SBF1: variants seen among roughly 807,000 people sequenced by gnomAD.
SBF1 encodes myotubularin-related protein 5.
SBF1 carries 65 observed loss-of-function variants against 215.8 expected under a neutral mutation model. That is an observed-to-expected ratio of 0.30 (90% CI 0.25 to 0.37). SBF1 has a LOEUF of 0.37. Among genes scored for constraint, SBF1 ranks in the 10% least tolerant of loss-of-function variants. The pLI, the probability that SBF1 is intolerant of heterozygous loss-of-function variation, is 1.00. For synonymous variants in SBF1, 1,410 were observed against 1,122.8 expected (o/e 1.26, Z -5.11); for missense variants, 2,634 against 2,667.8 (o/e 0.99, Z 0.28).
In SBF1 at chr22:50,461,934, C is replaced by G; in HGVS notation, c.2569+13G>C. The G allele has an allele frequency of 6.2e-7, 1 of 1,613,996 alleles. No individual in the cohort carries two copies. The highest frequency in any genetic ancestry group is 1.7e-5 in the Admixed American group (1 of 60,028). On this transcript the variant is annotated intron_variant, in intron 20 of 40. Coordinates refer to ENST00000380817, the MANE Select transcript of SBF1 (RefSeq NM_002972.4). ...CCCATCCAAGGGGGAATCACCAGCCCAAACCCCCGTACCTGGCACCATGAC... is the reference window on the plus strand; with the variant it reads ...CCCATCCAAGGGGGAATCACCAGCCGAAACCCCCGTACCTGGCACCATGAC...
Position 50,459,329 on chromosome 22 carries a change from G to C in SBF1, c.3752C>G (p.Ser1251Cys). 2 of 1,612,920 alleles carry C rather than the reference G, an allele frequency of 1.2e-6. No individual in the cohort carries two copies. Among genetic ancestry groups the C allele is most frequent in the Non-Finnish European group, 1.7e-6 (2 of 1,179,666 alleles). ...CGACGCGTCGGCGTAGCGGGGCATG[G>C]AGCTGACCACAGCCTGCAGGTACTT... ...QEKYLQAVVS[S>C]MPRYADASGR... Residue 1251 changes from serine (S) to cysteine (C), a missense_variant, in exon 28 of 41, where the codon TCC becomes TGC. Physicochemically the swap from Ser to Cys is moderately radical, Grantham distance 112. Coordinates refer to ENST00000380817, the MANE Select transcript of SBF1 (RefSeq NM_002972.4).
chr22:50,455,757 C>T (rs549400892), intron 31 of SBF1, 175 bp from the exon 32 acceptor site: 75 of 622,430 alleles, frequency 1.2e-4, no homozygotes, highest in Middle Eastern at 8.6e-4. Context: ...CTGGGTGTGC[C>T]GACCACCGCC....
rs770090328 is a variant in SBF1 at position 50,447,227 on chromosome 22, C to T, written c.5597G>A (p.Arg1866His). Residue 1866 changes from arginine to histidine, a missense_variant, in exon 41 of 41, where the codon CGT (arginine) becomes CAT (histidine). By Grantham distance (29) the Arg-to-His change is conservative. Coordinates refer to ENST00000380817, the MANE Select transcript of SBF1 (RefSeq NM_002972.4). ...CTGGGCACAGAAGTTGTAAACGCGA[C>T]GCGTTGTCTTCACCTGGGGAAGGGC... ...EKAFFDVKTT[R>H]RVYNFCAQDV... is the part of the protein sequence containing the mutation. The T allele has an allele frequency of 6.3e-5, 101 of 1,613,860 alleles. No homozygotes were observed. Among genetic ancestry groups the T allele is most frequent in the Middle Eastern group, 1.6e-4 (1 of 6,084 alleles).
chr22:50,460,550 T>C lies in SBF1; in HGVS notation c.3130A>G (p.Lys1044Glu), dbSNP rs1487525013. ...GATCCATACCTGAGGGAAGGACCCT[T>C]GTCCTTGGTGACTCGCGGTGGCCGG... ...PGRPPRVTKD[K>E]GPSLRTLSRN... Residue 1044 changes from lysine to glutamate, a missense_variant, in exon 24 of 41, where the codon AAG (lysine) becomes GAG (glutamate). Lys to Glu is a moderately conservative substitution (Grantham distance 56). Transcript: ENST00000380817. 1 of 1,614,026 alleles carries C rather than the reference T, an allele frequency of 6.2e-7. No individual in the cohort carries two copies. Among genetic ancestry groups the C allele is most frequent in the African/African-American group, 1.3e-5 (1 of 75,040 alleles).
At chr22:50,461,452 C>A in intron 22 of SBF1, 71 bp downstream of exon 22, 2 of 1,507,482 alleles carry the variant, frequency 1.3e-6, no homozygotes, top group African/African-American at 1.4e-5. Context: ...GAGAGGGAGG[C>A]AGGGAAAGCC....
intron 5 of SBF1, 25 bp downstream of exon 5, chr22:50,467,311 CAG>C: frequency 6.3e-7 from 1 of 1,586,602 alleles, no homozygotes; most frequent in African/African-American, 1.3e-5. Context: ...TGTGGCTGTG[CAG>C]ATACCAGCTG....
rs183944303 is a variant in SBF1 at position 50,460,109 on chromosome 22, G to A, written c.3334C>T (p.Pro1112Ser). 33 of 1,613,394 alleles carry A rather than the reference G, an allele frequency of 2.0e-5. No homozygotes were observed. The African/African-American group carries it at 2.9e-4, about 14-fold the overall frequency. Reference protein sequence around the residue: ...STLTPSSALKPSDRMTMSSLV... With the variant: ...STLTPSSALKSSDRMTMSSLV... ...CTGCTCATGGTCATGCGGTCGGAGG[G>A]CTTCAGGGCTGAGGACGGGGTCAGC... The change falls in exon 26 of 41, where the codon CCC becomes TCC. Residue 1112 changes from proline (P) to serine (S), a missense_variant. Coordinates refer to ENST00000380817, the MANE Select transcript of SBF1 (RefSeq NM_002972.4).
At position 50,460,335 on chromosome 22, in the gene SBF1, T is replaced by C; in HGVS notation, c.3220A>G (p.Asn1074Asp). 1 of 1,613,524 alleles carries C rather than the reference T, an allele frequency of 6.2e-7. No individual in the cohort carries two copies. Among genetic ancestry groups the C allele is most frequent in the Non-Finnish European group, 8.5e-7 (1 of 1,179,618 alleles). Residue 1074 changes from asparagine to aspartate, a missense_variant, in exon 25 of 41, where the codon AAC becomes GAC. Asn to Asp is a conservative substitution (Grantham distance 23, BLOSUM62 1). Transcript: ENST00000380817. ...GRQHVTRKKY[N>D]PPSWEHRGQP... ...CCCCGGTGCTCCCAGCTGGGGGGGT[T>C]GTACTTCTTGCGAGTGACATGCTGC...
Position 50,466,054 on chromosome 22 carries a change from A to C in SBF1, c.918T>G (p.Asp306Glu). 6.2e-7 allele frequency: 1 copy of C among 1,613,868 alleles called. No individual in the cohort carries two copies. Among genetic ancestry groups the C allele is most frequent in the Non-Finnish European group, 8.5e-7 (1 of 1,180,030 alleles). Reference protein sequence around the residue: ...TQELLDVIVADLDGGTVTIPE... With the variant: ...TQELLDVIVAELDGGTVTIPE... ...GAATGGTGACCGTCCCTCCATCCAG[A>C]TCAGCAACAATCACATCGAGCTGCG... is the stretch of plus-strand genomic sequence containing the variant. Residue 306 changes from aspartate to glutamate, a missense_variant, in exon 9 of 41, where the codon GAT becomes GAG. Asp to Glu is a conservative substitution (Grantham distance 45, BLOSUM62 2). Transcript: ENST00000380817.
rs1383345603 is a variant in SBF1, at chr22:50,446,581, G to A, written c.*561C>T. ...GCCCCTAGACCAGCCCTGAGGCGTG[G>A]AGGGAATCAAGCAAGTCCCCAGTGA... On this transcript the variant is annotated 3_prime_UTR_variant, in exon 41 of 41. Transcript: ENST00000380817. 3 of 336,378 alleles carry A rather than the reference G, an allele frequency of 8.9e-6. No individual in the cohort carries two copies. The highest frequency in any genetic ancestry group is 1.2e-5 in the Non-Finnish European group (2 of 169,704). 20.8% of individuals were successfully genotyped at this position (336,378 alleles called of 1,614,324 possible).
intron 28 of SBF1, among the ~76,000 whole-genome samples, chr22:50,458,820 C>T (rs1350163180): frequency 6.6e-6 from 1 of 152,032 alleles, no homozygotes; most frequent in African/African-American, 2.4e-5. Context: ...CCAGAGGCTC[C>T]AAAGACAGTC....
In SBF1 at chr22:50,463,379, G is replaced by A. The variant is rs372396420; in HGVS notation, c.1803C>T (p.Leu601=). The A allele has an allele frequency of 1.0e-4, 160 of 1,603,808 alleles. No individual in the cohort carries two copies. Among genetic ancestry groups the A allele is most frequent in the Admixed American group, 2.4e-4 (14 of 58,890 alleles). ...GCACATGCAGGTGCAGCTCCTGGGC[G>A]AGGCAGCGGCGGGCAGCTCGCCCCT... is the stretch of plus-strand genomic sequence containing the variant. ...ALKGRAARRC[L]AQELHLHVQQ... is the part of the protein sequence containing the mutation. The change falls in exon 16 of 41, where the codon CTC becomes CTT. Residue 601 remains leucine, a synonymous_variant. Coordinates refer to ENST00000380817, the MANE Select transcript of SBF1 (RefSeq NM_002972.4).
At chr22:50,450,046 A>T (rs1470717497) in intron 36 of SBF1, among the ~76,000 whole-genome samples, 1 of 152,194 alleles carries the variant, frequency 6.6e-6, no homozygotes, top group Non-Finnish European at 1.5e-5. Flanking sequence ...GGAGGCAGAG[A>T]CGGGACGTCC....
chr22:50,455,196 C>A, intron 33 of SBF1, 28 bp downstream of exon 33: 1 of 1,612,676 alleles, frequency 6.2e-7, no homozygotes, highest in South Asian at 1.1e-5. Context: ...TGCACAGTCC[C>A]GGCCCACCCA....
At position 50,466,355 on chromosome 22, in the gene SBF1, T is replaced by A; in HGVS notation, c.783A>T (p.Arg261Ser). 1 of 1,570,496 alleles carries A rather than the reference T, an allele frequency of 6.4e-7. No homozygotes were observed. The highest frequency in any genetic ancestry group is 8.6e-7 in the Non-Finnish European group (1 of 1,158,038). ...GAGGGCCGGGCAGGGGTCACCTGTATCTGAGAGGAAACAGCAGTGCCAGGA... is the reference window on the plus strand; with the variant it reads ...GAGGGCCGGGCAGGGGTCACCTGTAACTGAGAGGAAACAGCAGTGCCAGGA... ...RGLLALLFPL[R>S]YSFTYVPILP... Residue 261 changes from arginine (R) to serine (S), a missense_variant, in exon 7 of 41, where the codon AGA becomes AGT. Transcript: ENST00000380817.
In SBF1 at chr22:50,457,046, T is replaced by C; in HGVS notation, c.3892A>G (p.Thr1298Ala). 1 of 1,446,486 alleles carries C rather than the reference T, an allele frequency of 6.9e-7. No individual in the cohort carries two copies. The highest frequency in any genetic ancestry group is 1.5e-5 in the South Asian group (1 of 66,604). 89.6% of individuals were successfully genotyped at this position (1,446,486 alleles called of 1,614,324 possible). A position where few individuals can be genotyped will look rare whatever the true frequency, so the allele number is the denominator to read the frequency against. ...CTCGGTACGGTACCTCGGGGTGCGG[T>C]CCGTCTGGAGGCCGAGGCCGCCATG... The part of the protein sequence containing the change: ...NPMAASASRR[T>A]APRGKWGSVR... The change falls in exon 29 of 41, where the codon ACC becomes GCC. Residue 1298 changes from threonine to alanine, a missense_variant. By Grantham distance (58) the Thr-to-Ala change is moderately conservative (BLOSUM62 0). Transcript: ENST00000380817.
rs1317119497 is a variant in SBF1, at chr22:50,455,006, C to G, written c.4681+10G>C. ...ACCCGTGGCTGCCCCAGCCCCGACT[C>G]CCCACATACCCAGCTCAATGCGCTC... On this transcript the variant is annotated intron_variant, in intron 34 of 40. Coordinates refer to ENST00000380817, the MANE Select transcript of SBF1 (RefSeq NM_002972.4). The G allele has an allele frequency of 6.2e-7, 1 of 1,614,082 alleles. No individual in the cohort carries two copies. Among genetic ancestry groups the G allele is most frequent in the African/African-American group, 1.3e-5 (1 of 75,058 alleles).
In SBF1 at chr22:50,446,638, G is replaced by A; in HGVS notation, c.*504C>T. 2.8e-6 allele frequency: 1 copy of A among 355,090 alleles called. No homozygotes were observed. The highest frequency in any genetic ancestry group is 3.7e-5 in the Admixed American group (1 of 26,726). The allele number at this position is 355,090 out of a possible 1,614,324, so 22.0% of individuals were successfully genotyped here. Reference sequence around the variant, plus strand: ...CTGCTCGATCCGCCCCCAGAGCAAAGTCACTCCCAGGGACATGCAGGCCGA... The same window carrying A: ...CTGCTCGATCCGCCCCCAGAGCAAAATCACTCCCAGGGACATGCAGGCCGA... On this transcript the variant is annotated 3_prime_UTR_variant, in exon 41 of 41. Coordinates refer to ENST00000380817, the MANE Select transcript of SBF1 (RefSeq NM_002972.4).
chr22:50,455,962 CCCA>C (rs1177700326), intron 31 of SBF1: 2 of 563,396 alleles, frequency 3.5e-6, no homozygotes, highest in Non-Finnish European at 6.3e-6. Context: ...TGGTCATCAG[CCCA>C]CGTGGGCCCA....
Sources: gnomAD v4.1 joint callset for allele counts (sites outside exome capture counted in the v4.1 genomes callset) on GRCh38, gnomAD v4.1.1 for gene constraint, MANE v1.5 for transcripts, NCBI Gene and HGNC (gene_info 2026-07-23, HGNC 2026-07-21) for gene names.